LIG4: variants seen among roughly 807,000 people sequenced by gnomAD.
The protein encoded by LIG4 is DNA ligase 4.
In LIG4, 13 loss-of-function variants were observed where a neutral mutation model predicts 19.0. That is an observed-to-expected ratio of 0.68 (90% CI 0.44 to 1.09). The LOEUF is 1.09. Among genes scored for constraint, LIG4 ranks in the 50% least tolerant of loss-of-function variants. LIG4 has a pLI of 0.00. For missense variants in LIG4, 1,026 were observed against 1,089.7 expected (o/e 0.94, Z 0.82); for synonymous variants, 361 against 358.2 (o/e 1.01, Z -0.09).
At position 108,210,543 on chromosome 13, in the gene LIG4, T is replaced by C; in HGVS notation, c.726A>G (p.Leu242=). ...CTAGCATTGGTTTAAATGCAGAAAA[T>C]AAAGTGATAGAAATATCACTGAGTC... The part of the protein sequence containing the change: ...SVGLSDISIT[L]FSAFKPMLAA... The change falls in exon 3 of 3, where the codon TTA becomes TTG. Residue 242 remains leucine, a synonymous_variant. Transcript: ENST00000442234. 6.2e-7 allele frequency: 1 copy of C among 1,612,552 alleles called. No individual in the cohort carries two copies. The highest frequency in any genetic ancestry group is 8.5e-7 in the Non-Finnish European group (1 of 1,179,902).
At position 108,208,530 on chromosome 13, in the gene LIG4, G is replaced by A; in HGVS notation, c.*3C>T. On this transcript the variant is annotated 3_prime_UTR_variant, in exon 3 of 3. Coordinates refer to ENST00000442234, the MANE Select transcript of LIG4 (RefSeq NM_206937.2). ...GAGGCTTTCCTCACTAGGAAACCTA[G>A]CTTTAAATCAAATACTGGTTTTCTT... The A allele has an allele frequency of 6.3e-7, 1 of 1,577,456 alleles. No individual in the cohort carries two copies.
chr13:108,208,917 A>G lies in LIG4; in HGVS notation c.2352T>C (p.Ser784=). 1.9e-6 allele frequency: 3 copies of G among 1,614,214 alleles called. No individual in the cohort carries two copies. Among genetic ancestry groups the G allele is most frequent in the South Asian group, 2.2e-5 (2 of 91,086 alleles). Residue 784 remains serine (S), a synonymous_variant, in exon 3 of 3, where the codon TCT becomes TCC. Coordinates refer to ENST00000442234, the MANE Select transcript of LIG4 (RefSeq NM_206937.2). ...LKEVFSGIKN[S]NEQTPEEMAS... ...CCATTTCTTCAGGAGTCTGCTCGTT[A>G]GAATTTTTAATTCCTGAGAATACTT...
rs1878371068 is a variant in LIG4, at chr13:108,209,574, T to C, written c.1695A>G (p.Val565=). The C allele has an allele frequency of 6.2e-7, 1 of 1,614,140 alleles. No homozygotes were observed. Among genetic ancestry groups the C allele is most frequent in the African/African-American group, 1.3e-5 (1 of 75,030 alleles). The change falls in exon 3 of 3, where the codon GTA becomes GTG. Residue 565 remains valine (V), a synonymous_variant. Transcript: ENST00000442234. ...VIVQIKAAEI[V]PSDMYKTGCT... ...AGCCAGTTTTATACATATCACTGGG[T>C]ACGATCTCTGCTGCTTTAATCTGAA... is the stretch of plus-strand genomic sequence containing the variant.
chr13:108,209,308 T>G lies in LIG4; in HGVS notation c.1961A>C (p.Lys654Thr). ...TACATCTTCAAATATATTAGAAATT[T>G]TGTTAACGTTAGTAAGGTTAGGTGC... ...LKAPNLTNVN[K>T]ISNIFEDVEF... Residue 654 changes from lysine to threonine, a missense_variant, in exon 3 of 3, where the codon AAA (lysine) becomes ACA (threonine). By Grantham distance (78) the Lys-to-Thr change is moderately conservative. Coordinates refer to ENST00000442234, the MANE Select transcript of LIG4 (RefSeq NM_206937.2). 1.2e-6 allele frequency: 2 copies of G among 1,614,100 alleles called. No individual in the cohort carries two copies. Among genetic ancestry groups the G allele is most frequent in the Non-Finnish European group, 1.7e-6 (2 of 1,179,978 alleles).
In LIG4 at chr13:108,210,793, T is replaced by G; in HGVS notation, c.476A>C (p.Asn159Thr). Residue 159 changes from asparagine to threonine, a missense_variant, in exon 3 of 3, where the codon AAT becomes ACT. Coordinates refer to ENST00000442234, the MANE Select transcript of LIG4 (RefSeq NM_206937.2). Reference protein sequence around the residue: ...NDLLDSIASNNSAKRKDLIKK... With the variant: ...NDLLDSIASNTSAKRKDLIKK... ...TATTAGGTCTTTTCTTTTAGCAGAA[T>G]TATTGCTGGCAATTGAGTCTAAAAG... 1 of 1,614,026 alleles carries G rather than the reference T, an allele frequency of 6.2e-7. No homozygotes were observed. Among genetic ancestry groups the G allele is most frequent in the Middle Eastern group, 1.6e-4 (1 of 6,062 alleles).
In LIG4 at chr13:108,208,633, C is replaced by T. The variant is rs759806691; in HGVS notation, c.2636G>A (p.Arg879Lys). Residue 879 changes from arginine (R) to lysine (K), a missense_variant, in exon 3 of 3, where the codon AGA (arginine) becomes AAA (lysine). By Grantham distance (26) the Arg-to-Lys change is conservative. Transcript: ENST00000442234. The part of the protein sequence containing the change: ...HSRVADFKAF[R>K]RTFKRKFKIL... ...TTTAAACTTTCTCTTAAAAGTTCTTCTAAAAGCTTTAAAATCTGCAACACG... is the reference window on the plus strand; with the variant it reads ...TTTAAACTTTCTCTTAAAAGTTCTTTTAAAAGCTTTAAAATCTGCAACACG... 1 of 1,613,568 alleles carries T rather than the reference C, an allele frequency of 6.2e-7. No homozygotes were observed. Among genetic ancestry groups the T allele is most frequent in the Admixed American group, 1.7e-5 (1 of 60,012 alleles).
rs1246848340 is a variant in LIG4, at chr13:108,208,990, C to T, written c.2279G>A (p.Cys760Tyr). The T allele has an allele frequency of 1.2e-6, 2 of 1,613,998 alleles. No individual in the cohort carries two copies. The highest frequency in any genetic ancestry group is 1.7e-6 in the Non-Finnish European group (2 of 1,180,014). Residue 760 changes from cysteine (C) to tyrosine (Y), a missense_variant, in exon 3 of 3, where the codon TGC (cysteine) becomes TAC (tyrosine). Coordinates refer to ENST00000442234, the MANE Select transcript of LIG4 (RefSeq NM_206937.2). ...TKEHFAREYD[C>Y]YGDSYFIDTD... ...ATCAATGAAATAACTATCACCATAG[C>T]AATCATATTCACGGGCAAAATGTTC...
At chr13:108,212,234 A>G (rs548246478) in intron 2 of LIG4, among the ~76,000 whole-genome samples, 1 of 152,052 alleles carries the variant, frequency 6.6e-6, no homozygotes, top group East Asian at 1.9e-4. Context: ...TGTAGTGGAA[A>G]CTGAGTATAA....
At chr13:108,214,866 A>AC (rs1055792999) in intron 1 of LIG4, 2 of 51,372 alleles carry the variant, frequency 3.9e-5, no homozygotes, top group African/African-American at 6.8e-5. Context: ...CGCCTCCCAG[A>AC]CCCCCCCACC....
chr13:108,212,073 T>A (rs1292190939), intron 2 of LIG4, among the ~76,000 whole-genome samples: 1 of 151,952 alleles, frequency 6.6e-6, no homozygotes, highest in Non-Finnish European at 1.5e-5. Context: ...CATATTTCCA[T>A]GCCAGTTATT....
intron 2 of LIG4, among the ~76,000 whole-genome samples, chr13:108,211,640 C>CA (rs370081340): frequency 1.3e-5 from 2 of 152,044 alleles, no homozygotes; most frequent in African/African-American, 4.8e-5. Context: ...ATAATGGTGA[C>CA]AAAAAAACTC....
intron 2 of LIG4, among the ~76,000 whole-genome samples, chr13:108,213,035 A>G (rs1878827990): frequency 6.6e-6 from 1 of 152,186 alleles, no homozygotes; most frequent in African/African-American, 2.4e-5. Context: ...CCTATAGAGA[A>G]AAAAGGTGCA....
Position 108,214,568 on chromosome 13 carries a change from G to C in LIG4, c.-59C>G, listed in dbSNP as rs1432208447. On this transcript the variant is annotated 5_prime_UTR_variant, in exon 2 of 3. Transcript: ENST00000442234. Reference sequence around the variant, plus strand: ...CTCGGGCAAGCTCCGTTACCTCTGTGAACCAGAGAATCCCAGCTGTAAAAT... The same window carrying C: ...CTCGGGCAAGCTCCGTTACCTCTGTCAACCAGAGAATCCCAGCTGTAAAAT... The C allele has an allele frequency of 6.6e-6, 1 of 152,114 alleles. No homozygotes were observed. The highest frequency in any genetic ancestry group is 1.5e-5 in the Non-Finnish European group (1 of 68,082). 9.4% of individuals were successfully genotyped at this position (152,114 alleles called of 1,614,324 possible).
chr13:108,209,270 T>C lies in LIG4; in HGVS notation c.1999A>G (p.Met667Val). 6 of 1,614,180 alleles carry C rather than the reference T, an allele frequency of 3.7e-6. No homozygotes were observed. The highest frequency in any genetic ancestry group is 5.1e-6 in the Non-Finnish European group (6 of 1,180,000). The change falls in exon 3 of 3, where the codon ATG becomes GTG. Residue 667 changes from methionine to valine, a missense_variant. Physicochemically the swap from Met to Val is conservative, Grantham distance 21. Coordinates refer to ENST00000442234, the MANE Select transcript of LIG4 (RefSeq NM_206937.2). ...NIFEDVEFCV[M>V]SGTDSQPKPD... Reference sequence around the variant, plus strand: ...TTTGGCTGGCTATCTGTTCCACTCATAACACAAAACTCTACATCTTCAAAT... The same window carrying C: ...TTTGGCTGGCTATCTGTTCCACTCACAACACAAAACTCTACATCTTCAAAT...
At chr13:108,217,763 T>C (rs1426702842), upstream of LIG4, among the ~76,000 whole-genome samples, 2 of 149,662 alleles carry the variant, frequency 1.3e-5, no homozygotes. Context: ...ATAGGGGACA[T>C]AGAATAAGGA....
upstream of LIG4, among the ~76,000 whole-genome samples, chr13:108,217,250 T>C (rs2139002545): frequency 6.6e-6 from 1 of 152,236 alleles, no homozygotes; most frequent in Admixed American, 6.5e-5. Flanking sequence ...GCCTGGTGGC[T>C]CACGCCTGTA....
upstream of LIG4, chr13:108,218,068 A>C (rs977551747): frequency 6.6e-6 from 1 of 152,206 alleles, no homozygotes; most frequent in Non-Finnish European, 1.5e-5. Flanking sequence ...GTAGAGGTAA[A>C]AGGAGAAAAA....
In LIG4 at chr13:108,210,060, C is replaced by G. The variant is rs778437045; in HGVS notation, c.1209G>C (p.Val403=). 1.7e-5 allele frequency: 27 copies of G among 1,612,770 alleles called. No homozygotes were observed. The highest frequency in any genetic ancestry group is 2.3e-5 in the Non-Finnish European group (27 of 1,179,924). ...TCTTAGTATGAGCTTGTGTTTTCTGCACTATTTCTATTCTACCTGGAATTG... is the reference window on the plus strand; with the variant it reads ...TCTTAGTATGAGCTTGTGTTTTCTGGACTATTTCTATTCTACCTGGAATTG... ...FTPIPGRIEI[V]QKTQAHTKNE... Residue 403 remains valine (V), a synonymous_variant, in exon 3 of 3, where the codon GTG becomes GTC. Coordinates refer to ENST00000442234, the MANE Select transcript of LIG4 (RefSeq NM_206937.2).
In LIG4 at chr13:108,208,930, C is replaced by A. The variant is rs1029380670; in HGVS notation, c.2339G>T (p.Gly780Val). 1.2e-6 allele frequency: 2 copies of A among 1,614,108 alleles called. No homozygotes were observed. Among genetic ancestry groups the A allele is most frequent in the African/African-American group, 2.7e-5 (2 of 75,022 alleles). ...DLNQLKEVFS[G>V]IKNSNEQTPE... ...AGTCTGCTCGTTAGAATTTTTAATTCCTGAGAATACTTCCTTCAGTTGGTT... is the reference window on the plus strand; with the variant it reads ...AGTCTGCTCGTTAGAATTTTTAATTACTGAGAATACTTCCTTCAGTTGGTT... The change falls in exon 3 of 3, where the codon GGA (glycine) becomes GTA (valine). Residue 780 changes from glycine (G) to valine (V), a missense_variant. Gly to Val is a moderately radical substitution (Grantham distance 109, BLOSUM62 -3). Coordinates refer to ENST00000442234, the MANE Select transcript of LIG4 (RefSeq NM_206937.2).
Sources: gnomAD v4.1 joint callset for allele counts (sites outside exome capture counted in the v4.1 genomes callset) on GRCh38, gnomAD v4.1.1 for gene constraint, MANE v1.5 for transcripts, NCBI Gene and HGNC (gene_info 2026-07-23, HGNC 2026-07-21) for gene names.